Variants in RFFL observed in about 807,000 individuals in gnomAD.
RFFL encodes E3 ubiquitin-protein ligase rififylin.
A neutral mutation model predicts 40.4 loss-of-function variants in RFFL; 16 were observed. The observed-to-expected ratio is 0.40, with a 90% CI of 0.27 to 0.60. The LOEUF is 0.60. RFFL is among the 20% of genes least tolerant of loss of function. The pLI is 0.47. For missense variants in RFFL, 367 were observed against 451.7 expected (o/e 0.81, Z 1.70); for synonymous variants, 154 against 167.9 (o/e 0.92, Z 0.64).
intron 1 of RFFL, among the ~76,000 whole-genome samples, chr17:35,058,511 G>A (rs538337138): frequency 3.9e-5 from 6 of 152,192 alleles, no homozygotes; most frequent in Non-Finnish European, 8.8e-5. Flanking sequence ...GGTGGCTCAC[G>A]CCTGTAATCC....
intron 1 of RFFL, among the ~76,000 whole-genome samples, chr17:35,084,125 G>A (rs2091417321): frequency 6.6e-6 from 1 of 152,162 alleles, no homozygotes; most frequent in Admixed American, 6.5e-5. Flanking sequence ...TGTAATCCCA[G>A]CTACTTGGGA....
chr17:35,036,235 T>C (rs1431355637), intron 1 of RFFL: 1 of 152,232 alleles, frequency 6.6e-6, no homozygotes, highest in Non-Finnish European at 1.5e-5. Flanking sequence ...TACATGGCAT[T>C]TGATAATGCT....
intron 1 of RFFL, chr17:35,076,997 G>A: frequency 3.3e-6 from 1 of 302,052 alleles, no homozygotes; most frequent in Non-Finnish European, 6.8e-6. Flanking sequence ...GCAGCATCCA[G>A]TTCATCTTAA....
At chr17:35,089,127 C>G (rs2091446021) in exon 1 of RFFL, 1 of 152,320 alleles carries the variant, frequency 6.6e-6, no homozygotes, top group Admixed American at 6.5e-5. Flanking sequence ...CCCTCCCGGC[C>G]GGCACCTAGG....
In RFFL at chr17:35,021,483, G is replaced by C; in HGVS notation, c.479C>G (p.Ala160Gly). Reference protein sequence around the residue: ...TLSPDFPEQQAFLTQPHSSMV... With the variant: ...TLSPDFPEQQGFLTQPHSSMV... The stretch of plus-strand genomic sequence containing the variant: ...GCTGGAGTGAGGCTGGGTCAGGAAG[G>C]CCTGCTGCTCAGGAAAGTCTGGGGA... Residue 160 changes from alanine to glycine, a missense_variant, in exon 3 of 7, where the codon GCC (alanine) becomes GGC (glycine). Physicochemically the swap from Ala to Gly is moderately conservative, Grantham distance 60. Coordinates refer to ENST00000394597, the MANE Select transcript of RFFL (RefSeq NM_001017368.2). 1.3e-6 allele frequency: 2 copies of C among 1,586,086 alleles called. No individual in the cohort carries two copies. The highest frequency in any genetic ancestry group is 1.2e-5 in the South Asian group (1 of 85,298).
intron 1 of RFFL, among the ~76,000 whole-genome samples, chr17:35,061,191 A>G (rs569891953): frequency 1.3e-5 from 2 of 152,300 alleles, no homozygotes; most frequent in Non-Finnish European, 2.9e-5. Context: ...ACCTTAAATG[A>G]AAAGATTAGA....
intron 1 of RFFL, among the ~76,000 whole-genome samples, chr17:35,044,209 G>A (rs1414688694): frequency 6.6e-6 from 1 of 152,168 alleles, no homozygotes. Context: ...TGAGTAGCTA[G>A]AACTGCAAAT....
At chr17:35,013,597 T>C (rs1446348423) in intron 6 of RFFL, among the ~76,000 whole-genome samples, 2 of 150,856 alleles carry the variant, frequency 1.3e-5, no homozygotes, top group African/African-American at 4.8e-5. Context: ...TACTTCCCCC[T>C]AGGAGGTAGG....
chr17:35,011,833 T>A lies in RFFL; in HGVS notation c.*135A>T. On this transcript the variant is annotated 3_prime_UTR_variant, in exon 7 of 7. Transcript: ENST00000394597. ...AAGACAGGCATGCTCAGGGGTGACA[T>A]GGCATCTTGCTTGACCTGGTTTTGG... 1 of 805,910 alleles carries A rather than the reference T, an allele frequency of 1.2e-6. No homozygotes were observed. Among genetic ancestry groups the A allele is most frequent in the Non-Finnish European group, 2.0e-6 (1 of 498,160 alleles). The allele number at this position is 805,910 out of a possible 1,614,324, so 49.9% of individuals were successfully genotyped here. A position where few individuals can be genotyped will look rare whatever the true frequency, so the allele number is the denominator to read the frequency against.
chr17:35,059,323 G>A (rs138427159), intron 1 of RFFL, among the ~76,000 whole-genome samples: 10 of 152,080 alleles, frequency 6.6e-5, no homozygotes, highest in African/African-American at 9.6e-5. Context: ...TCGGCCACTC[G>A]ATATAGGTTT....
rs1052853574 is a variant in RFFL at position 35,007,296 on chromosome 17, G to GT, written c.*4671dup. On this transcript the variant is annotated 3_prime_UTR_variant, in exon 7 of 7. Coordinates refer to ENST00000394597, the MANE Select transcript of RFFL (RefSeq NM_001017368.2). ...TGTTATTGCCATTTCAATGTCAGTG[G>GT]TTTTTTATGTATTTTCTTCCAGTCT... The GT allele has an allele frequency of 2.4e-4, 36 of 152,344 alleles. No individual in the cohort carries two copies. The highest frequency in any genetic ancestry group is 7.2e-4 in the African/African-American group (30 of 41,546). 9.4% of individuals were successfully genotyped at this position (152,344 alleles called of 1,614,324 possible).
At position 35,009,307 on chromosome 17, in the gene RFFL, ATTC is replaced by A. The variant is rs1490967929; in HGVS notation, c.*2658_*2660del. 1 of 152,400 alleles carries A rather than the reference ATTC, an allele frequency of 6.6e-6. No homozygotes were observed. Among genetic ancestry groups the A allele is most frequent in the Non-Finnish European group, 1.5e-5 (1 of 68,040 alleles). 9.4% of individuals were successfully genotyped at this position (152,400 alleles called of 1,614,324 possible). On this transcript the variant is annotated 3_prime_UTR_variant, in exon 7 of 7. Coordinates refer to ENST00000394597, the MANE Select transcript of RFFL (RefSeq NM_001017368.2). ...TTGAGCACTAGTTCCTGTACAGCTTATTCTTATTAGTTTGGATCCAACTATTCC... is the reference window on the plus strand; with the variant it reads ...TTGAGCACTAGTTCCTGTACAGCTTATTATTAGTTTGGATCCAACTATTCC...
chr17:35,063,184 C>A (rs1024170185), intron 1 of RFFL, among the ~76,000 whole-genome samples: 1 of 151,980 alleles, frequency 6.6e-6, no homozygotes, highest in Non-Finnish European at 1.5e-5. Flanking sequence ...GGCCGGGGGC[C>A]GTGGCTCATG....
At chr17:35,012,203 T>C (rs1294318810) in intron 6 of RFFL, 54 bp from the exon 7 acceptor site, 3 of 1,541,408 alleles carry the variant, frequency 1.9e-6, no homozygotes, top group East Asian at 2.3e-5. Context: ...GGAGAATGTC[T>C]TAAGTGTATA....
At chr17:35,020,236 T>A (rs370987562) in intron 3 of RFFL, among the ~76,000 whole-genome samples, 2 of 152,050 alleles carry the variant, frequency 1.3e-5, no homozygotes, top group East Asian at 3.9e-4. Context: ...TCCCCCATAT[T>A]GCCCAAGCCC....
At position 35,058,140 on chromosome 17, in the gene RFFL, C is replaced by A. The variant is rs531040070; in HGVS notation, c.-9+5436G>T. Among the ~76,000 whole-genome samples the A allele has an allele frequency of 2.0e-5, 3 of 152,150 alleles. 1 individual carries two copies. In the South Asian group the frequency reaches 6.2e-4, roughly 32 times the overall value. On this transcript the variant is annotated intron_variant, in intron 1 of 6. Transcript: ENST00000394597. Reference sequence around the variant, plus strand: ...AAAGAAGAGCATGCTAGATAGGATTCAATCAAGTCCTAGAAGCAGGAGAGA... The same window carrying A: ...AAAGAAGAGCATGCTAGATAGGATTAAATCAAGTCCTAGAAGCAGGAGAGA...
intron 3 of RFFL, among the ~76,000 whole-genome samples, chr17:35,018,219 T>A (rs1315548663): frequency 6.6e-6 from 1 of 152,162 alleles, no homozygotes; most frequent in Non-Finnish European, 1.5e-5. Flanking sequence ...GGAAATGTGC[T>A]CCCCATGTTG....
At chr17:35,047,868 C>A (rs550475035) in intron 1 of RFFL, among the ~76,000 whole-genome samples, 1 of 151,972 alleles carries the variant, frequency 6.6e-6, no homozygotes, top group Admixed American at 6.6e-5. Context: ...TCTCATACCT[C>A]AGCCTCCCAA....
At chr17:35,069,058 C>T (rs1462375518) in intron 1 of RFFL, among the ~76,000 whole-genome samples, 2 of 152,154 alleles carry the variant, frequency 1.3e-5, no homozygotes, top group African/African-American at 2.4e-5. Flanking sequence ...AGGCTCATGT[C>T]CTATTACTAC....
Sources: allele counts gnomAD v4.1 joint callset (sites outside exome capture counted in the v4.1 genomes callset), GRCh38; gene constraint gnomAD v4.1.1; transcripts MANE v1.5; gene names NCBI Gene and HGNC (gene_info 2026-07-23, HGNC 2026-07-21).